Variants in ELMO1 observed in about 807,000 individuals in gnomAD.
The protein encoded by ELMO1 is engulfment and cell motility protein 1.
Under a neutral mutation model 98.9 loss-of-function variants are expected in ELMO1, and 26 were observed. The ratio of observed to expected loss-of-function variants is 0.26; its 90% CI spans 0.19 to 0.36. The LOEUF is 0.36. Ranked by LOEUF, ELMO1 falls within the 10% of genes least tolerant of loss-of-function variation. ELMO1 has a pLI of 1.00. For synonymous variants in ELMO1, 346 were observed against 346.0 expected (o/e 1.00, Z 0.00); for missense variants, 627 against 935.2 (o/e 0.67, Z 4.30).
At chr7:37,062,200 C>T (rs17170858) in intron 15 of ELMO1, among the ~76,000 whole-genome samples, 1,714 of 152,258 alleles carry the variant, frequency 0.011, 21 homozygotes, top group African/African-American at 0.032. Flanking sequence ...CTGACAATCA[C>T]GCTCTGTGTG....
chr7:36,949,965 T>A (rs1251028851), intron 16 of ELMO1, among the ~76,000 whole-genome samples: 1 of 152,210 alleles, frequency 6.6e-6, no homozygotes, highest in Non-Finnish European at 1.5e-5. Context: ...TCTGCAAAAT[T>A]AGCTTCTCAG....
At chr7:36,949,101 C>G (rs1476268710) in intron 16 of ELMO1, among the ~76,000 whole-genome samples, 1 of 152,120 alleles carries the variant, frequency 6.6e-6, no homozygotes, top group African/African-American at 2.4e-5. Flanking sequence ...GGTGATCCAC[C>G]CGCCTTGGCC....
At chr7:37,098,987 G>GTTT (rs1784503039) in intron 14 of ELMO1, among the ~76,000 whole-genome samples, 1 of 152,206 alleles carries the variant, frequency 6.6e-6, no homozygotes. Flanking sequence ...AATATTTAAT[G>GTTT]AGGCTGTGAT....
At chr7:37,196,412 C>A in intron 13 of ELMO1, among the ~76,000 whole-genome samples, 1 of 152,184 alleles carries the variant, frequency 6.6e-6, no homozygotes, top group Non-Finnish European at 1.5e-5. Flanking sequence ...CGTGGCCTTG[C>A]TCCTGCTGGG....
At position 37,342,627 on chromosome 7, in the gene ELMO1, T is replaced by A; in HGVS notation, c.64A>T (p.Met22Leu). The A allele has an allele frequency of 1.2e-6, 2 of 1,613,970 alleles. No homozygotes were observed. The highest frequency in any genetic ancestry group is 1.7e-6 in the Non-Finnish European group (2 of 1,179,952). The stretch of plus-strand genomic sequence containing the variant: ...ACGTTACTAACCTGATCAATTTCCA[T>A]GAGTTTGGGGTAGGCGCCCGGCCAT... The part of the protein sequence containing the change: ...IEWPGAYPKL[M>L]EIDQKKPLSA... The change falls in exon 2 of 22, where the codon ATG becomes TTG. Residue 22 changes from methionine to leucine, a missense_variant. Met to Leu is a conservative substitution (Grantham distance 15). Coordinates refer to ENST00000310758, the MANE Select transcript of ELMO1 (RefSeq NM_014800.11). This position sits in a 1 kb window ranked among gnomAD's most constrained non-coding sequence, Gnocchi z 4.3.
intron 16 of ELMO1, among the ~76,000 whole-genome samples, chr7:36,983,870 C>A (rs768779874): frequency 2.6e-5 from 4 of 151,998 alleles, no homozygotes; most frequent in Non-Finnish European, 5.9e-5. Flanking sequence ...TGCATGAATG[C>A]GTTTTTAGGT....
intron 1 of ELMO1, among the ~76,000 whole-genome samples, chr7:37,442,523 G>A (rs563034203): frequency 3.9e-5 from 6 of 152,226 alleles, no homozygotes; most frequent in Admixed American, 6.5e-5. Flanking sequence ...AAGAATAAAC[G>A]CCCATTCTTC....
chr7:37,165,767 A>G (rs1309533380), intron 13 of ELMO1, among the ~76,000 whole-genome samples: 3 of 152,178 alleles, frequency 2.0e-5, no homozygotes, highest in East Asian at 1.9e-4. Flanking sequence ...TTTTGCATCA[A>G]TGTTCATCAA....
intron 2 of ELMO1, among the ~76,000 whole-genome samples, chr7:37,340,208 A>C (rs1364033274): frequency 6.6e-6 from 1 of 152,160 alleles, no homozygotes; most frequent in African/African-American, 2.4e-5. Context: ...CCAGTATTCA[A>C]TTTATTTCTG....
chr7:37,242,269 G>A (rs1794800927), intron 7 of ELMO1, among the ~76,000 whole-genome samples: 1 of 151,902 alleles, frequency 6.6e-6, no homozygotes. Context: ...ACTTTATTGT[G>A]CTTTTCAATT....
intron 1 of ELMO1, among the ~76,000 whole-genome samples, chr7:37,418,243 T>C (rs1298800113): frequency 1.3e-5 from 2 of 152,208 alleles, no homozygotes; most frequent in Non-Finnish European, 1.5e-5. Flanking sequence ...TTGAGATTGC[T>C]ACAGATAGAA....
chr7:37,306,961 C>T (rs2131054813), intron 4 of ELMO1, among the ~76,000 whole-genome samples: 1 of 152,312 alleles, frequency 6.6e-6, no homozygotes, highest in Middle Eastern at 3.4e-3. Context: ...ATAATCTCTT[C>T]ACACAGGACC....
intron 16 of ELMO1, among the ~76,000 whole-genome samples, chr7:36,901,035 A>G (rs1266621964): frequency 6.6e-6 from 1 of 152,200 alleles, no homozygotes; most frequent in Admixed American, 6.5e-5. Flanking sequence ...AATGTGGAGA[A>G]ATGGCCTTGC....
chr7:37,095,584 A>G (rs1481313919), intron 15 of ELMO1, among the ~76,000 whole-genome samples: 1 of 152,226 alleles, frequency 6.6e-6, no homozygotes, highest in Non-Finnish European at 1.5e-5. Flanking sequence ...CTGGAAGATG[A>G]TAAAGTTTTC....
intron 1 of ELMO1, among the ~76,000 whole-genome samples, chr7:37,403,497 A>G (rs1428531860): frequency 2.0e-5 from 3 of 152,116 alleles, no homozygotes; most frequent in Admixed American, 6.5e-5. Context: ...ATTATTCTGT[A>G]TGATATTGTA....
chr7:37,136,409 CTAGGCACA>C (rs1258812739), intron 13 of ELMO1, among the ~76,000 whole-genome samples: 1 of 152,152 alleles, frequency 6.6e-6, no homozygotes, highest in Non-Finnish European at 1.5e-5. Flanking sequence ...ACATCATCAC[CTAGGCACA>C]TAGTCAACAG....
intron 4 of ELMO1, among the ~76,000 whole-genome samples, chr7:37,283,042 T>C (rs1048628713): frequency 6.6e-6 from 1 of 152,208 alleles, no homozygotes; most frequent in Non-Finnish European, 1.5e-5. Context: ...TGTTCTGCAA[T>C]AAATGGTTTG....
chr7:36,940,575 T>C (rs1039268470), intron 16 of ELMO1, among the ~76,000 whole-genome samples: 13 of 152,216 alleles, frequency 8.5e-5, no homozygotes, highest in African/African-American at 3.1e-4. Flanking sequence ...TCAGTTTCTT[T>C]TTGGAGGGGA....
intron 14 of ELMO1, among the ~76,000 whole-genome samples, chr7:37,097,088 C>A (rs1459094304): frequency 6.6e-6 from 1 of 152,206 alleles, no homozygotes; most frequent in Non-Finnish European, 1.5e-5. Context: ...AATAGTAACT[C>A]CTTCTGTGAC....
Sources: allele counts gnomAD v4.1 joint callset (sites outside exome capture counted in the v4.1 genomes callset), GRCh38; gene constraint gnomAD v4.1.1; non-coding constraint Gnocchi (gnomAD v3.1); transcripts MANE v1.5; gene names NCBI Gene and HGNC (gene_info 2026-07-23, HGNC 2026-07-21).